RBFOX1: variants seen among roughly 807,000 people sequenced by gnomAD.
The protein encoded by RBFOX1 is RNA binding protein fox-1 homolog 1.
RBFOX1 carries 8 observed loss-of-function variants against 57.7 expected under a neutral mutation model. That is an observed-to-expected ratio of 0.14 (90% CI 0.08 to 0.25). RBFOX1 has a LOEUF of 0.25. Among genes scored for constraint, RBFOX1 ranks in the 10% least tolerant of loss-of-function variants. The pLI is 1.00. For missense variants in RBFOX1, 611 were observed against 548.5 expected (o/e 1.11, Z -1.14); for synonymous variants, 326 against 222.4 (o/e 1.47, Z -4.15).
chr16:6,761,919 C>G (rs1178856376), intron 3 of RBFOX1, among the ~76,000 whole-genome samples: 1 of 152,114 alleles, frequency 6.6e-6, no homozygotes, highest in African/African-American at 2.4e-5. Context: ...GTCTTCACCT[C>G]TAGACTGATG....
intron 2 of RBFOX1, among the ~76,000 whole-genome samples, chr16:6,525,696 G>A (rs1029835119): frequency 2.6e-5 from 4 of 152,038 alleles, no homozygotes; most frequent in Non-Finnish European, 5.9e-5. Flanking sequence ...GTTCACTGGT[G>A]GGAGGAACAC....
chr16:6,748,177 A>C (rs1462946288), intron 3 of RBFOX1, among the ~76,000 whole-genome samples: 5 of 151,986 alleles, frequency 3.3e-5, no homozygotes, highest in Admixed American at 6.6e-5. Flanking sequence ...TTAGGCAATA[A>C]ATGCATATTT....
intron 1 of RBFOX1, among the ~76,000 whole-genome samples, chr16:6,287,492 A>G (rs1390446434): frequency 6.6e-6 from 1 of 152,172 alleles, no homozygotes; most frequent in African/African-American, 2.4e-5. Context: ...TAGGGCTGCA[A>G]TACCAAATAC....
chr16:6,868,274 T>C (rs910448976), intron 3 of RBFOX1, among the ~76,000 whole-genome samples: 1 of 152,158 alleles, frequency 6.6e-6, no homozygotes, highest in Non-Finnish European at 1.5e-5. Flanking sequence ...AAGTGGCTTA[T>C]AAGAAGATGG....
chr16:5,937,581 A>T (rs1490683544), intron 4 of RBFOX1, among the ~76,000 whole-genome samples: 1 of 151,074 alleles, frequency 6.6e-6, no homozygotes, highest in Non-Finnish European at 1.5e-5. Flanking sequence ...TTATTTATAT[A>T]TAACTATATG....
intron 2 of RBFOX1, among the ~76,000 whole-genome samples, chr16:6,496,684 G>T (rs1213724626): frequency 6.6e-6 from 1 of 152,196 alleles, no homozygotes; most frequent in African/African-American, 2.4e-5. Context: ...TATTGGCCGG[G>T]CACGGTGTCT....
intron 1 of RBFOX1, among the ~76,000 whole-genome samples, chr16:6,130,363 G>T (rs905644560): frequency 6.6e-6 from 1 of 151,976 alleles, no homozygotes; most frequent in Non-Finnish European, 1.5e-5. Flanking sequence ...GATACATATT[G>T]TTTATCCTAC....
intron 3 of RBFOX1, among the ~76,000 whole-genome samples, chr16:5,661,595 T>C (rs1235410091): frequency 6.6e-6 from 1 of 152,234 alleles, no homozygotes; most frequent in African/African-American, 2.4e-5. Context: ...TACGGTGTAA[T>C]GATTTGATGT....
chr16:5,590,743 TCA>T (rs1467964045), intron 2 of RBFOX1, among the ~76,000 whole-genome samples: 5 of 152,320 alleles, frequency 3.3e-5, no homozygotes, highest in African/African-American at 1.2e-4. Context: ...ATGCTTCAGC[TCA>T]CACAGATCAG....
intron 4 of RBFOX1, among the ~76,000 whole-genome samples, chr16:5,937,420 C>T (rs1361803485): frequency 6.6e-6 from 1 of 152,030 alleles, no homozygotes; most frequent in African/African-American, 2.4e-5. Context: ...GTGTTGAGTT[C>T]TAGTGACACA....
At chr16:6,952,157 G>A (rs2080900567) in intron 3 of RBFOX1, among the ~76,000 whole-genome samples, 1 of 152,108 alleles carries the variant, frequency 6.6e-6, no homozygotes, top group African/African-American at 2.4e-5. Flanking sequence ...CATAGTCGTT[G>A]TGAAGGCTCT....
intron 1 of RBFOX1, among the ~76,000 whole-genome samples, chr16:6,105,363 G>C (rs530511695): frequency 6.6e-5 from 10 of 151,990 alleles, no homozygotes; most frequent in Non-Finnish European, 1.2e-4. Flanking sequence ...GACTCAAACT[G>C]TGACAATGTT....
chr16:5,568,580 G>T (rs74629740), intron 2 of RBFOX1, among the ~76,000 whole-genome samples: 3 of 152,142 alleles, frequency 2.0e-5, no homozygotes, highest in African/African-American at 7.2e-5. Context: ...GTGAGGATGC[G>T]TGACACTCAT....
At chr16:7,164,073 A>T (rs1346992811) in intron 4 of RBFOX1, among the ~76,000 whole-genome samples, 1 of 152,186 alleles carries the variant, frequency 6.6e-6, no homozygotes, top group Non-Finnish European at 1.5e-5. Flanking sequence ...TCACTAAAGC[A>T]GTGTACACTG....
At chr16:6,201,569 C>T (rs907781006) in intron 1 of RBFOX1, among the ~76,000 whole-genome samples, 1 of 152,032 alleles carries the variant, frequency 6.6e-6, no homozygotes, top group African/African-American at 2.4e-5. Context: ...TGTAAAAATA[C>T]AGTTGATAGA....
intron 4 of RBFOX1, among the ~76,000 whole-genome samples, chr16:7,237,649 G>A (rs963975116): frequency 6.6e-6 from 1 of 152,202 alleles, no homozygotes; most frequent in Non-Finnish European, 1.5e-5. Flanking sequence ...AAGCGTCCAT[G>A]CACAGACAAG....
intron 1 of RBFOX1, among the ~76,000 whole-genome samples, chr16:6,081,272 C>G (rs188359158): frequency 1.4e-4 from 21 of 152,284 alleles, no homozygotes; most frequent in Admixed American, 5.9e-4. Flanking sequence ...TCAGCTCAGC[C>G]AAGATCATCT....
intron 3 of RBFOX1, among the ~76,000 whole-genome samples, chr16:6,993,164 G>C (rs899650504): frequency 1.3e-5 from 2 of 152,032 alleles, no homozygotes; most frequent in African/African-American, 2.4e-5. Flanking sequence ...TCTTTTCTTT[G>C]TCTCACTTGT....
At chr16:5,424,425 C>T (rs369730831) in intron 1 of RBFOX1, among the ~76,000 whole-genome samples, 39 of 152,032 alleles carry the variant, frequency 2.6e-4, no homozygotes, top group Admixed American at 7.9e-4. Context: ...CTGTCCCCAC[C>T]GTTAGTCTGT....
Sources: gnomAD v4.1 joint callset for allele counts (sites outside exome capture counted in the v4.1 genomes callset) on GRCh38, gnomAD v4.1.1 for gene constraint, MANE v1.5 for transcripts, NCBI Gene and HGNC (gene_info 2026-07-23, HGNC 2026-07-21) for gene names.